DLG2: variants seen among roughly 807,000 people sequenced by gnomAD.
The protein encoded by DLG2 is discs large MAGUK scaffold protein 2, also known as disks large homolog 2.
DLG2 carries 45 observed loss-of-function variants against 132.5 expected under a neutral mutation model. The observed-to-expected ratio is 0.34, with a 90% confidence interval of 0.27 to 0.44. The LOEUF (loss-of-function observed/expected upper bound fraction) is 0.44, where lower values mean the gene tolerates loss of function less well. Among genes scored for constraint, DLG2 ranks in the 20% least tolerant of loss-of-function variants. DLG2 has a pLI of 1.00. For missense variants in DLG2, 1,045 were observed against 1,196.9 expected (o/e 0.87, Z 1.87); for synonymous variants, 424 against 419.6 (o/e 1.01, Z -0.13).
chr11:83,490,118 G>C (rs60007546), intron 21 of DLG2, among the ~76,000 whole-genome samples: 52,428 of 151,770 alleles, frequency 0.35, 9,363 homozygotes, highest in Middle Eastern at 0.45. Flanking sequence ...TAGAGAAATG[G>C]CTCATTCCAA....
chr11:84,374,786 G>A (rs756730330), intron 7 of DLG2, among the ~76,000 whole-genome samples: 13 of 151,948 alleles, frequency 8.6e-5, no homozygotes, highest in Admixed American at 3.3e-4. Flanking sequence ...ACCTTTGCTG[G>A]ACACATAAAC....
At chr11:83,579,598 A>T (rs2096935424) in intron 19 of DLG2, among the ~76,000 whole-genome samples, 1 of 152,160 alleles carries the variant, frequency 6.6e-6, no homozygotes, top group Non-Finnish European at 1.5e-5. Flanking sequence ...ACATTTTAAG[A>T]TTGAAAAAAA....
chr11:85,493,003 C>G (rs906972356), intron 3 of DLG2, among the ~76,000 whole-genome samples: 2 of 151,146 alleles, frequency 1.3e-5, no homozygotes, highest in African/African-American at 4.9e-5. Context: ...ATACTCCAAG[C>G]TATAAAAAAA....
intron 7 of DLG2, among the ~76,000 whole-genome samples, chr11:84,340,868 C>T (rs1225621223): frequency 1.3e-5 from 2 of 152,008 alleles, no homozygotes; most frequent in Non-Finnish European, 2.9e-5. Context: ...CATTATGGCT[C>T]CATGAGAGAG....
intron 7 of DLG2, among the ~76,000 whole-genome samples, chr11:84,266,955 C>A (rs1255813783): frequency 6.6e-6 from 1 of 152,100 alleles, no homozygotes; most frequent in African/African-American, 2.4e-5. Context: ...ATAGTCTTGC[C>A]CTGCAAGGAA....
intron 7 of DLG2, among the ~76,000 whole-genome samples, chr11:84,350,499 G>A (rs945794196): frequency 6.6e-6 from 1 of 152,128 alleles, no homozygotes; most frequent in South Asian, 2.1e-4. Flanking sequence ...CCTGACCACA[G>A]ATGTTCCTTC....
At chr11:83,777,825 T>C (rs1268391322) in intron 18 of DLG2, among the ~76,000 whole-genome samples, 1 of 152,190 alleles carries the variant, frequency 6.6e-6, no homozygotes, top group African/African-American at 2.4e-5. Context: ...ATTACCTTCT[T>C]GTAATAATTG....
intron 6 of DLG2, among the ~76,000 whole-genome samples, chr11:84,556,598 C>T (rs573418917): frequency 1.4e-4 from 21 of 152,272 alleles, no homozygotes; most frequent in East Asian, 1.3e-3. Flanking sequence ...GGCCCACATT[C>T]GAAGCTGTCC....
intron 6 of DLG2, among the ~76,000 whole-genome samples, chr11:85,077,707 T>G (rs192520815): frequency 2.8e-4 from 43 of 152,198 alleles, no homozygotes; most frequent in Admixed American, 2.8e-3. Flanking sequence ...CTGACACTAT[T>G]TTTATCTCTG....
intron 6 of DLG2, chr11:84,720,186 C>A: frequency 9.3e-6 from 8 of 862,512 alleles, no homozygotes; most frequent in Non-Finnish European, 1.1e-5. Flanking sequence ...GCAGAGCAGT[C>A]GCAGCTTCTG....
intron 11 of DLG2, among the ~76,000 whole-genome samples, chr11:83,983,687 G>A (rs1227251249): frequency 1.3e-5 from 2 of 151,952 alleles, no homozygotes; most frequent in African/African-American, 2.4e-5. Flanking sequence ...CTTGTGATGT[G>A]AGTAATTATT....
At chr11:83,988,498 G>T (rs2093488583) in intron 11 of DLG2, among the ~76,000 whole-genome samples, 1 of 152,082 alleles carries the variant, frequency 6.6e-6, no homozygotes, top group Admixed American at 6.6e-5. Context: ...AAATTACTTT[G>T]GGCAGTATGG....
At chr11:84,628,691 A>T (rs2099626817) in intron 6 of DLG2, among the ~76,000 whole-genome samples, 1 of 152,178 alleles carries the variant, frequency 6.6e-6, no homozygotes, top group African/African-American at 2.4e-5. Flanking sequence ...CTCTACTTTC[A>T]TGACAATCTA....
intron 8 of DLG2, among the ~76,000 whole-genome samples, chr11:84,249,513 T>C (rs1046689327): frequency 6.6e-6 from 1 of 152,206 alleles, no homozygotes; most frequent in Non-Finnish European, 1.5e-5. Flanking sequence ...AACCAGTTAC[T>C]TGACCTCTTT....
intron 4 of DLG2, among the ~76,000 whole-genome samples, chr11:85,212,865 C>T (rs191807086): frequency 1.8e-4 from 28 of 152,202 alleles, no homozygotes; most frequent in Admixed American, 9.8e-4. Flanking sequence ...CATCCTATTA[C>T]CTCAACTGTC....
At chr11:85,021,080 T>C in intron 6 of DLG2, 2 of 775,688 alleles carry the variant, frequency 2.6e-6, no homozygotes, top group South Asian at 1.3e-5. Context: ...CTTTTTGTTT[T>C]ATCTTGGTCA....
At chr11:83,670,381 GA>G (rs35550650) in intron 18 of DLG2, among the ~76,000 whole-genome samples, 11 of 149,266 alleles carry the variant, frequency 7.4e-5, no homozygotes, top group Admixed American at 4.7e-4. Context: ...TGGACATACA[GA>G]AAAAAAAAAC....
intron 4 of DLG2, among the ~76,000 whole-genome samples, chr11:85,259,984 T>A (rs904839329): frequency 2.6e-5 from 4 of 152,178 alleles, no homozygotes; most frequent in African/African-American, 7.2e-5. Flanking sequence ...TTGGTGAGCA[T>A]TGGGCTAAGG....
chr11:84,056,151 C>T (rs1183457814), intron 11 of DLG2, among the ~76,000 whole-genome samples: 3 of 151,886 alleles, frequency 2.0e-5, no homozygotes, highest in Admixed American at 1.3e-4. Flanking sequence ...TGGTTTGCTG[C>T]ACCTATCAAC....
Sources: allele counts gnomAD v4.1 joint callset (sites outside exome capture counted in the v4.1 genomes callset), GRCh38; gene constraint gnomAD v4.1.1; transcripts MANE v1.5; gene names NCBI Gene and HGNC (gene_info 2026-07-23, HGNC 2026-07-21).